The following SAMMSON variants were observed in gnomAD, a reference collection of about 807,000 sequenced individuals.
The protein encoded by SAMMSON is long intergenic non-protein coding RNA 1212.
intron 7 of SAMMSON, among the ~76,000 whole-genome samples, chr3:70,320,823 G>A (rs1434885959): frequency 6.6e-6 from 1 of 152,084 alleles, no homozygotes; most frequent in African/African-American, 2.4e-5. Context: ...GTCAGCTAGG[G>A]CGGCCTGTTT....
At chr3:70,085,382 T>C (rs367714627) in intron 4 of SAMMSON, among the ~76,000 whole-genome samples, 2 of 152,212 alleles carry the variant, frequency 1.3e-5, no homozygotes, top group South Asian at 2.1e-4. Flanking sequence ...GGATATTTTA[T>C]TGCCACTCAG....
At chr3:70,151,357 A>G (rs1285735815) in intron 4 of SAMMSON, among the ~76,000 whole-genome samples, 7 of 152,028 alleles carry the variant, frequency 4.6e-5, no homozygotes, top group Non-Finnish European at 8.8e-5. Context: ...TGGTTCTGGG[A>G]ATGCTGAACA....
At chr3:70,170,164 A>C (rs13099927) in intron 4 of SAMMSON, among the ~76,000 whole-genome samples, 72,226 of 151,634 alleles carry the variant, frequency 0.48, 18,194 homozygotes, top group Non-Finnish European at 0.52. Flanking sequence ...ATCAATACCC[A>C]GATTTATGCC....
intron 3 of SAMMSON, among the ~76,000 whole-genome samples, chr3:70,039,139 T>C (rs1270329091): frequency 6.6e-6 from 1 of 152,112 alleles, no homozygotes; most frequent in African/African-American, 2.4e-5. Flanking sequence ...GGGAGAAATC[T>C]TGAGACTAAA....
intron 4 of SAMMSON, chr3:70,120,519 C>T (rs2067428497): frequency 6.6e-6 from 1 of 152,230 alleles, no homozygotes; most frequent in Non-Finnish European, 1.5e-5. Context: ...CAGAAGCTGC[C>T]TGCTTCACGC....
At chr3:70,170,544 A>G (rs1700934882) in intron 4 of SAMMSON, among the ~76,000 whole-genome samples, 1 of 151,002 alleles carries the variant, frequency 6.6e-6, no homozygotes, top group Non-Finnish European at 1.5e-5. Flanking sequence ...CAAGAATAAC[A>G]ATTTTAAACA....
intron 4 of SAMMSON, among the ~76,000 whole-genome samples, chr3:70,210,909 T>C (rs1489477226): frequency 6.6e-6 from 1 of 152,158 alleles, no homozygotes; most frequent in African/African-American, 2.4e-5. Context: ...GAGCAAATGT[T>C]ATTAATTTAA....
intron 4 of SAMMSON, among the ~76,000 whole-genome samples, chr3:70,138,783 A>T (rs1046843420): frequency 6.6e-6 from 1 of 152,220 alleles, no homozygotes; most frequent in Non-Finnish European, 1.5e-5. Flanking sequence ...ATTCTGAATC[A>T]TGTTGCTCTT....
chr3:70,125,687 C>A, intron 4 of SAMMSON: 1 of 696,598 alleles, frequency 1.4e-6, no homozygotes, highest in South Asian at 1.5e-5. Context: ...TGTGGTTGGT[C>A]AAATACATCC....
intron 4 of SAMMSON, among the ~76,000 whole-genome samples, chr3:70,225,663 CTTCTA>C: frequency 6.6e-6 from 1 of 152,266 alleles, no homozygotes; most frequent in South Asian, 2.1e-4. Flanking sequence ...CACTGTTTCC[CTTCTA>C]GATCAAAAGC....
chr3:70,372,516 T>C (rs554536659), intron 9 of SAMMSON, among the ~76,000 whole-genome samples: 2 of 152,150 alleles, frequency 1.3e-5, no homozygotes, highest in Admixed American at 1.3e-4. Context: ...GCCAGGCTGG[T>C]CTCAAACTCC....
At chr3:70,385,936 T>C (rs1330095540) in intron 9 of SAMMSON, among the ~76,000 whole-genome samples, 1 of 152,076 alleles carries the variant, frequency 6.6e-6, no homozygotes, top group Non-Finnish European at 1.5e-5. Context: ...AACAGTGTTT[T>C]TCCATCCTGA....
chr3:70,233,911 T>G (rs1448922990), intron 4 of SAMMSON, among the ~76,000 whole-genome samples: 1 of 152,252 alleles, frequency 6.6e-6, no homozygotes, highest in Non-Finnish European at 1.5e-5. Flanking sequence ...TGTATTGTTT[T>G]CAGTTGTTGG....
At chr3:70,196,021 C>A (rs981738362) in intron 4 of SAMMSON, among the ~76,000 whole-genome samples, 1 of 152,058 alleles carries the variant, frequency 6.6e-6, no homozygotes, top group African/African-American at 2.4e-5. Flanking sequence ...GAATAAGTAC[C>A]CTCAACGCTT....
chr3:70,157,038 C>G (rs147588596), intron 4 of SAMMSON, among the ~76,000 whole-genome samples: 1 of 151,984 alleles, frequency 6.6e-6, no homozygotes, highest in Non-Finnish European at 1.5e-5. Flanking sequence ...GATTCTTAAC[C>G]CTTTCGAAAG....
intron 4 of SAMMSON, among the ~76,000 whole-genome samples, chr3:70,156,177 G>A (rs192296935): frequency 6.6e-6 from 1 of 152,146 alleles, no homozygotes; most frequent in East Asian, 1.9e-4. Flanking sequence ...GACTAACCAG[G>A]TGGTATCTTT....
At chr3:70,035,855 C>T (rs1389029667) in intron 3 of SAMMSON, among the ~76,000 whole-genome samples, 1 of 152,078 alleles carries the variant, frequency 6.6e-6, no homozygotes, top group Non-Finnish European at 1.5e-5. Flanking sequence ...TCAGTATGAT[C>T]TATTTAAAAA....
intron 4 of SAMMSON, among the ~76,000 whole-genome samples, chr3:70,214,432 A>G (rs900114679): frequency 5.3e-5 from 8 of 152,014 alleles, no homozygotes; most frequent in African/African-American, 1.9e-4. Context: ...ATCTTTTTTA[A>G]AAAGAGAGAA....
chr3:70,395,351 T>C (rs1370949626), intron 2 of SAMMSON, among the ~76,000 whole-genome samples: 1 of 129,176 alleles, frequency 7.7e-6, no homozygotes, highest in African/African-American at 2.8e-5. Context: ...TTTTTTTTTG[T>C]GTTGTTGTTG....
Sources: allele counts gnomAD v4.1 joint callset (sites outside exome capture counted in the v4.1 genomes callset), GRCh38; gene constraint gnomAD v4.1.1; transcripts MANE v1.5; gene names NCBI Gene and HGNC (gene_info 2026-07-23, HGNC 2026-07-21).